PTPRO: variants seen among roughly 807,000 people sequenced by gnomAD.
PTPRO encodes protein tyrosine phosphatase receptor type O.
A neutral mutation model predicts 145.2 loss-of-function variants in PTPRO; 62 were observed. The ratio of observed to expected loss-of-function variants is 0.43; its 90% confidence interval spans 0.35 to 0.53. The LOEUF (loss-of-function observed/expected upper bound fraction) is 0.53, where lower values mean the gene tolerates loss of function less well. Among genes scored for constraint, PTPRO ranks in the 20% least tolerant of loss-of-function variants. The pLI, the probability that PTPRO is intolerant of heterozygous loss-of-function variation, is 0.01. For missense variants in PTPRO, 1,345 were observed against 1,482.7 expected (o/e 0.91, Z 1.53); for synonymous variants, 565 against 514.7 (o/e 1.10, Z -1.32).
At chr12:15,529,467 TAA>T (rs371217992) in intron 12 of PTPRO, among the ~76,000 whole-genome samples, 13 of 131,668 alleles carry the variant, frequency 9.9e-5, no homozygotes, top group Non-Finnish European at 1.3e-4. Flanking sequence ...TCATCTCTAC[TAA>T]AAAAAAAAAA....
chr12:15,415,449 G>A (rs1357782515), intron 1 of PTPRO, among the ~76,000 whole-genome samples: 25 of 150,116 alleles, frequency 1.7e-4, no homozygotes, highest in South Asian at 4.2e-4. Flanking sequence ...CAGTGGTGCA[G>A]TCTTGGCTCA....
At chr12:15,544,059 G>T (rs374495216) in intron 12 of PTPRO, among the ~76,000 whole-genome samples, 1 of 152,190 alleles carries the variant, frequency 6.6e-6, no homozygotes, top group East Asian at 1.9e-4. Flanking sequence ...TAACATGAGT[G>T]AAATGGCATT....
intron 1 of PTPRO, among the ~76,000 whole-genome samples, chr12:15,408,232 T>A (rs1939699867): frequency 6.6e-6 from 1 of 152,148 alleles, no homozygotes; most frequent in East Asian, 1.9e-4. Context: ...TATGCCACAT[T>A]GGAAAAAGAA....
intron 1 of PTPRO, among the ~76,000 whole-genome samples, chr12:15,478,896 C>T (rs1340373719): frequency 6.6e-6 from 1 of 152,172 alleles, no homozygotes; most frequent in African/African-American, 2.4e-5. Context: ...TGGTCTCAAT[C>T]TCCTGATCTC....
At position 15,583,937 on chromosome 12, in the gene PTPRO, G is replaced by A. The variant is rs190275044; in HGVS notation, c.3255+2136G>A. Among the ~76,000 whole-genome samples, 248 of 152,264 alleles carry A rather than the reference G, an allele frequency of 1.6e-3. 1 individual carries two copies. Among genetic ancestry groups the A allele is most frequent in the African/African-American group, 5.2e-3 (216 of 41,530 alleles). On this transcript the variant is annotated intron_variant, in intron 23 of 26. Coordinates refer to ENST00000281171, the MANE Select transcript of PTPRO (RefSeq NM_030667.3). Reference sequence around the variant, plus strand: ...GTATGACTCTAACAGGCTGTGTTTCGTGTTGTTTCGGTCATTTAAAATTCA... The same window carrying A: ...GTATGACTCTAACAGGCTGTGTTTCATGTTGTTTCGGTCATTTAAAATTCA...
At chr12:15,557,780 G>A (rs1028041932) in intron 16 of PTPRO, among the ~76,000 whole-genome samples, 1 of 152,094 alleles carries the variant, frequency 6.6e-6, no homozygotes, top group Admixed American at 6.6e-5. Context: ...TGGTGCACAC[G>A]CAGGAGCCCA....
intron 18 of PTPRO, among the ~76,000 whole-genome samples, chr12:15,568,386 T>C (rs933201931): frequency 5.9e-5 from 9 of 152,008 alleles, no homozygotes; most frequent in Non-Finnish European, 1.3e-4. Flanking sequence ...GCCGAAATAG[T>C]GCCACTACAC....
Position 15,595,038 on chromosome 12 carries a change from C to G in PTPRO, c.3648C>G (p.Ser1216=), listed in dbSNP as rs1330169379. ...TCATATACGAGAATGTTAGCAAGTCCTAGTTCAGAATCCGGAGCAGTAAGT... is the reference window on the plus strand; with the variant it reads ...TCATATACGAGAATGTTAGCAAGTCGTAGTTCAGAATCCGGAGCAGTAAGT... ...SDVIYENVSK[S] Residue 1216 remains serine (S), a synonymous_variant, in exon 26 of 27, where the codon TCC becomes TCG. Coordinates refer to ENST00000281171, the MANE Select transcript of PTPRO (RefSeq NM_030667.3). 1.9e-6 allele frequency: 3 copies of G among 1,612,052 alleles called. 1 individual carries two copies. The South Asian group carries it at 3.3e-5, about 18-fold the overall frequency.
intron 15 of PTPRO, among the ~76,000 whole-genome samples, chr12:15,556,564 C>T (rs1048643979): frequency 6.6e-6 from 1 of 151,790 alleles, no homozygotes; most frequent in Non-Finnish European, 1.5e-5. Flanking sequence ...GGCCACATTC[C>T]GGACAGTAGG....
intron 1 of PTPRO, among the ~76,000 whole-genome samples, chr12:15,387,557 C>T (rs573520310): frequency 5.3e-5 from 8 of 152,278 alleles, no homozygotes; most frequent in African/African-American, 1.7e-4. Context: ...ATGTCTTCAG[C>T]AGCATTTAAT....
intron 12 of PTPRO, among the ~76,000 whole-genome samples, chr12:15,527,875 A>ACCCCCCCCCCCCCCCCCCCCCCC (rs1555173370): frequency 2.2e-5 from 3 of 137,750 alleles, no homozygotes; most frequent in Non-Finnish European, 3.1e-5. Flanking sequence ...GGGAACTGTG[A>ACCCCCCCCCCCCCCCCCCCCCCC]CCCGCCCACG....
intron 15 of PTPRO, among the ~76,000 whole-genome samples, chr12:15,553,505 G>T (rs991415586): frequency 1.3e-5 from 2 of 152,090 alleles, no homozygotes; most frequent in African/African-American, 4.8e-5. Context: ...AGGCCCTGGG[G>T]TAGGAGCACG....
chr12:15,402,937 C>A (rs1939540199), intron 1 of PTPRO, among the ~76,000 whole-genome samples: 1 of 152,142 alleles, frequency 6.6e-6, no homozygotes, highest in African/African-American at 2.4e-5. Context: ...CCACCAAATG[C>A]ACTGTAGAGT....
At chr12:15,507,882 T>C (rs1163416491) in intron 6 of PTPRO, among the ~76,000 whole-genome samples, 2 of 152,224 alleles carry the variant, frequency 1.3e-5, no homozygotes, top group Non-Finnish European at 2.9e-5. Context: ...GGAATTTCTG[T>C]AGATAATAAT....
chr12:15,386,869 C>G (rs1398087543), intron 1 of PTPRO, among the ~76,000 whole-genome samples: 1 of 152,194 alleles, frequency 6.6e-6, no homozygotes, highest in Admixed American at 6.5e-5. Flanking sequence ...CTCCAACAGT[C>G]AAGTTTCTAG....
At chr12:15,592,949 G>A (rs1337225929) in intron 25 of PTPRO, among the ~76,000 whole-genome samples, 1 of 152,220 alleles carries the variant, frequency 6.6e-6, no homozygotes, top group Non-Finnish European at 1.5e-5. Context: ...GACTTTCAAG[G>A]ACAAGTCCCT....
At chr12:15,443,198 C>G (rs1940816111) in intron 1 of PTPRO, among the ~76,000 whole-genome samples, 1 of 151,902 alleles carries the variant, frequency 6.6e-6, no homozygotes, top group Admixed American at 6.6e-5. Flanking sequence ...CACCTAAAGC[C>G]ATCTGATCTT....
chr12:15,325,449 C>G (rs566180499), intron 1 of PTPRO, among the ~76,000 whole-genome samples: 1 of 152,298 alleles, frequency 6.6e-6, no homozygotes, highest in African/African-American at 2.4e-5. Flanking sequence ...AAATCATTCA[C>G]TGCACATTAT....
chr12:15,524,992 T>C lies in PTPRO; in HGVS notation c.2043+27T>C, dbSNP rs772412445. ...TATGTTTCTTTGAATGCCAGCATTGTGTGTCTGTAAATTTAGTTTTATGAA... is the reference window on the plus strand; with the variant it reads ...TATGTTTCTTTGAATGCCAGCATTGCGTGTCTGTAAATTTAGTTTTATGAA... On this transcript the variant is annotated intron_variant, in intron 11 of 26. Coordinates refer to ENST00000281171, the MANE Select transcript of PTPRO (RefSeq NM_030667.3). 5.0e-6 allele frequency: 8 copies of C among 1,611,886 alleles called. No individual in the cohort carries two copies. The Admixed American group carries it at 1.3e-4, about 27-fold the overall frequency.
Sources: gnomAD v4.1 joint callset for allele counts (sites outside exome capture counted in the v4.1 genomes callset) on GRCh38, gnomAD v4.1.1 for gene constraint, MANE v1.5 for transcripts, NCBI Gene and HGNC (gene_info 2026-07-23, HGNC 2026-07-21) for gene names.